Variants in ERVK3-1 observed in about 807,000 individuals in gnomAD.
ERVK3-1 encodes HERV-K(HML6-1).
intron 3 of ERVK3-1, among the ~76,000 whole-genome samples, chr19:58,314,286 A>G (rs1230552381): frequency 6.6e-6 from 1 of 152,206 alleles, no homozygotes; most frequent in Non-Finnish European, 1.5e-5. Flanking sequence ...ACTCAAAAAT[A>G]ACAGCCCTTT....
At chr19:58,309,498 AACTC>A (rs904394864) in intron 2 of ERVK3-1, 1 of 152,236 alleles carries the variant, frequency 6.6e-6, no homozygotes, top group Non-Finnish European at 1.5e-5. Context: ...GCTTCTTATC[AACTC>A]ACTCATGTTT....
chr19:58,305,829 C>G (rs2051518829), intron 1 of ERVK3-1, among the ~76,000 whole-genome samples: 1 of 152,204 alleles, frequency 6.6e-6, no homozygotes, highest in Non-Finnish European at 1.5e-5. Flanking sequence ...TGTCCCAGGT[C>G]CCCTGCTCCT....
intron 2 of ERVK3-1, among the ~76,000 whole-genome samples, chr19:58,306,869 A>G (rs1446448557): frequency 6.6e-6 from 1 of 152,264 alleles, no homozygotes; most frequent in African/African-American, 2.4e-5. Context: ...GTGGTTAATA[A>G]TGGAATACAG....
exon 4 of ERVK3-1, chr19:58,314,966 G>A (rs1275258136): frequency 5.1e-6 from 2 of 390,870 alleles, no homozygotes; most frequent in African/African-American, 4.1e-5. Flanking sequence ...TCTGCCGCCA[G>A]AAGGAATGCT....
chr19:58,316,525 G>T (rs2051593731), downstream of ERVK3-1, among the ~76,000 whole-genome samples: 1 of 152,192 alleles, frequency 6.6e-6, no homozygotes, highest in South Asian at 2.1e-4. Flanking sequence ...CAAAAAATTA[G>T]CTGGGCGTGG....
At chr19:58,314,227 T>C (rs944071783) in intron 3 of ERVK3-1, among the ~76,000 whole-genome samples, 1 of 152,198 alleles carries the variant, frequency 6.6e-6, no homozygotes, top group Non-Finnish European at 1.5e-5. Flanking sequence ...CCAATATTAC[T>C]TTTGATATCA....
rs934832699 is a variant in ERVK3-1, at chr19:58,310,830, G to A, written c.-3-1336G>A. 14 of 376,846 alleles carry A rather than the reference G, an allele frequency of 3.7e-5. No homozygotes were observed. Among genetic ancestry groups the A allele is most frequent in the African/African-American group, 2.8e-4 (13 of 47,262 alleles). 23.3% of individuals were successfully genotyped at this position (376,846 alleles called of 1,614,324 possible). A position where few individuals can be genotyped will look rare whatever the true frequency, so the allele number is the denominator to read the frequency against. ...AACCTCCCCCAGGGAAAGGGAGACC[G>A]CCCCCCACCCTTTCCCGGTCTGCTA... On this transcript the variant is annotated intron_variant, in intron 2 of 3. Transcript: ENST00000413518. The surrounding 1 kb of genome is among the most constrained non-coding windows in gnomAD (Gnocchi z 4.7).
In ERVK3-1 at chr19:58,312,477, T is replaced by C. The variant is rs1266134089; in HGVS notation, c.294+15T>C. 3 of 399,888 alleles carry C rather than the reference T, an allele frequency of 7.5e-6. No individual in the cohort carries two copies. Among genetic ancestry groups the C allele is most frequent in the African/African-American group, 6.2e-5 (3 of 48,608 alleles). The allele number at this position is 399,888 out of a possible 1,614,324, so 24.8% of individuals were successfully genotyped here. On this transcript the variant is annotated intron_variant, in intron 3 of 3. Transcript: ENST00000413518. The surrounding 1 kb of genome is among the most constrained non-coding windows in gnomAD (Gnocchi z 4.7). ...TGTCCTGTGCGGTATGTTTCCCCTGTGTAGAGGCAAAAACATATTGGGCAT... is the reference window on the plus strand; with the variant it reads ...TGTCCTGTGCGGTATGTTTCCCCTGCGTAGAGGCAAAAACATATTGGGCAT...
chr19:58,316,532 G>A (rs1029964603), downstream of ERVK3-1, among the ~76,000 whole-genome samples: 20 of 152,198 alleles, frequency 1.3e-4, no homozygotes, highest in Admixed American at 2.6e-4. Flanking sequence ...TTAGCTGGGC[G>A]TGGTGATGCA....
intron 2 of ERVK3-1, among the ~76,000 whole-genome samples, chr19:58,307,213 A>G (rs1156411193): frequency 6.6e-6 from 1 of 152,240 alleles, no homozygotes; most frequent in Non-Finnish European, 1.5e-5. Context: ...TCTTTTCCGC[A>G]TATCATGCAA....
chr19:58,307,574 C>G (rs1299388189), intron 2 of ERVK3-1, among the ~76,000 whole-genome samples: 2 of 151,812 alleles, frequency 1.3e-5, no homozygotes, highest in South Asian at 4.1e-4. Context: ...ACCATCAGAC[C>G]TCTGGGCAGA....
Position 58,305,452 on chromosome 19 carries a change from G to C in ERVK3-1, c.-133+7G>C, listed in dbSNP as rs1376841198. The C allele has an allele frequency of 6.5e-6, 1 of 152,732 alleles. No homozygotes were observed. Among genetic ancestry groups the C allele is most frequent in the African/African-American group, 2.4e-5 (1 of 41,448 alleles). The allele number at this position is 152,732 out of a possible 1,614,324, so 9.5% of individuals were successfully genotyped here. On this transcript the variant is annotated splice_region_variant and intron_variant, in intron 1 of 3. Coordinates refer to ENST00000413518, the Ensembl canonical transcript of ERVK3-1. ...TGAGGAGGCTGCCACAGTGGTGAGT[G>C]GTGTGTGGAGGAGAGGCGAGGGTGA...
In ERVK3-1 at chr19:58,307,611, C is replaced by T. The variant is rs564337016; in HGVS notation, c.-4+1395C>T. On this transcript the variant is annotated intron_variant, in intron 2 of 3. Transcript: ENST00000413518. Reference sequence around the variant, plus strand: ...GGGATCTTACAATGCAATACCGCCCCCCCCTCCCCGCCCCGCTCCCCCCAA... The same window carrying T: ...GGGATCTTACAATGCAATACCGCCCTCCCCTCCCCGCCCCGCTCCCCCCAA... Among the ~76,000 whole-genome samples, 10 of 149,690 alleles carry T rather than the reference C, an allele frequency of 6.7e-5. 3 individuals are homozygous for T. Among genetic ancestry groups the T allele is most frequent in the African/African-American group, 2.6e-4 (10 of 39,146 alleles).
At chr19:58,308,630 G>A (rs1177051648) in intron 2 of ERVK3-1, among the ~76,000 whole-genome samples, 4 of 152,152 alleles carry the variant, frequency 2.6e-5, no homozygotes, top group Non-Finnish European at 4.4e-5. Flanking sequence ...GTCCGGTATC[G>A]GTAACTGGGC....
intron 2 of ERVK3-1, among the ~76,000 whole-genome samples, chr19:58,308,813 A>G (rs1037278179): frequency 3.3e-5 from 5 of 152,208 alleles, no homozygotes; most frequent in African/African-American, 9.7e-5. Context: ...TAAGAAAGCA[A>G]TTGGATGCAG....
chr19:58,314,608 CAG>C (rs1250213128), intron 3 of ERVK3-1, 138 bp from the exon 4 acceptor site: 1 of 322,896 alleles, frequency 3.1e-6, no homozygotes, highest in Non-Finnish European at 5.1e-6. Context: ...GCCTGGGTGA[CAG>C]AGCGAGACTC....
intron 3 of ERVK3-1, 90 bp from the exon 4 acceptor site, chr19:58,314,658 C>T (rs2051579248): frequency 3.0e-6 from 1 of 335,676 alleles, no homozygotes; most frequent in Admixed American, 4.9e-5. Flanking sequence ...AAAGCCTCAA[C>T]CCTTGGACCT....
intron 2 of ERVK3-1, among the ~76,000 whole-genome samples, chr19:58,308,623 C>T (rs767608309): frequency 1.6e-4 from 25 of 152,142 alleles, no homozygotes; most frequent in Non-Finnish European, 3.2e-4. Flanking sequence ...AACCCCGGTC[C>T]GGTATCGGTA....
chr19:58,306,979 G>A (rs1052414402), intron 2 of ERVK3-1, among the ~76,000 whole-genome samples: 3 of 152,222 alleles, frequency 2.0e-5, no homozygotes, highest in African/African-American at 7.2e-5. Context: ...CTCTGCTAGT[G>A]CATATTTGAC....
Sources: gnomAD v4.1 joint callset for allele counts (sites outside exome capture counted in the v4.1 genomes callset) on GRCh38, gnomAD v4.1.1 for gene constraint, Gnocchi (gnomAD v3.1) non-coding constraint, MANE v1.5 for transcripts, NCBI Gene and HGNC (gene_info 2026-07-23, HGNC 2026-07-21) for gene names.